Variants in ATG4B observed in about 807,000 individuals in gnomAD.
ATG4B encodes cysteine protease ATG4B.
In ATG4B, 29 loss-of-function variants were observed where a neutral mutation model predicts 56.6. The ratio of observed to expected loss-of-function variants is 0.51; its 90% CI spans 0.38 to 0.70. The LOEUF (loss-of-function observed/expected upper bound fraction) is 0.70, where lower values mean the gene tolerates loss of function less well. Ranked by LOEUF, ATG4B falls within the 30% of genes least tolerant of loss-of-function variation. The probability of loss-of-function intolerance (pLI) is 0.00; values close to 1 mark genes in which losing one functional copy is unlikely to be tolerated. For missense variants in ATG4B, 461 were observed against 515.5 expected, an observed-to-expected ratio of 0.89 and a Z score of 1.02; for synonymous variants, 224 against 206.1, an observed-to-expected ratio of 1.09 and a Z score of -0.74.
chr2:241,637,745 G>C (rs547076749), intron 1 of ATG4B, 21 bp downstream of exon 1: 4 of 1,571,358 alleles, frequency 2.5e-6, no homozygotes, highest in South Asian at 1.1e-5. Context: ...GCCGGGGGTC[G>C]GTCTTTCCGC....
intron 5 of ATG4B, 63 bp from the exon 6 acceptor site, chr2:241,655,208 G>T (rs1041896966): frequency 3.3e-5 from 51 of 1,525,060 alleles, no homozygotes; most frequent in Non-Finnish European, 3.1e-5. Context: ...CTGGCACCAC[G>T]TGCCACCAGA....
rs1042090703 is a variant in ATG4B, at chr2:241,672,542, C to T, written c.*278C>T. On this transcript the variant is annotated 3_prime_UTR_variant, in exon 13 of 13. Transcript: ENST00000404914. ...AGTGTTCTCTCGACACTGCCAGCCC[C>T]GTGTTAGCACCTGGGCCTCAGTCCC... is the stretch of plus-strand genomic sequence containing the variant. 4 of 472,696 alleles carry T rather than the reference C, an allele frequency of 8.5e-6. No individual in the cohort carries two copies. Among genetic ancestry groups the T allele is most frequent in the East Asian group, 3.7e-5 (1 of 27,028 alleles). The allele number at this position is 472,696 out of a possible 1,614,324, so 29.3% of individuals were successfully genotyped here. A position where few individuals can be genotyped will look rare whatever the true frequency, so the allele number is the denominator to read the frequency against.
rs746622594 is a variant in ATG4B, at chr2:241,666,874, C to T, written c.732+36C>T. Reference sequence around the variant, plus strand: ...CCGTGCGGCGCTTGCCCTGAGTCCCCGTCCCCTTCTCCCAGTTCTTAGTCA... The same window carrying T: ...CCGTGCGGCGCTTGCCCTGAGTCCCTGTCCCCTTCTCCCAGTTCTTAGTCA... On this transcript the variant is annotated intron_variant, in intron 8 of 12. Coordinates refer to ENST00000404914, the MANE Select transcript of ATG4B (RefSeq NM_013325.5). The T allele has an allele frequency of 4.6e-6, 7 of 1,530,360 alleles. No homozygotes were observed. The South Asian group carries it at 4.8e-5, about 10-fold the overall frequency. 94.8% of individuals were successfully genotyped at this position (1,530,360 alleles called of 1,614,324 possible).
At chr2:241,655,446 A>G in intron 6 of ATG4B, 103 bp downstream of exon 6, 1 of 1,165,858 alleles carries the variant, frequency 8.6e-7, no homozygotes, top group South Asian at 1.4e-5. Flanking sequence ...AGGGGTCTCT[A>G]ATTATTTACT....
In ATG4B at chr2:241,672,726, C is replaced by T. The variant is rs990693250; in HGVS notation, c.*462C>T. The T allele has an allele frequency of 5.3e-6, 1 of 188,648 alleles. No individual in the cohort carries two copies. The highest frequency in any genetic ancestry group is 1.1e-5 in the Non-Finnish European group (1 of 88,938). 11.7% of individuals were successfully genotyped at this position (188,648 alleles called of 1,614,324 possible). Reference sequence around the variant, plus strand: ...GAGCGGCAGCCACACTGCGGCCCCACGCCCAAGGACTGGGCTGCTCTCGAG... The same window carrying T: ...GAGCGGCAGCCACACTGCGGCCCCATGCCCAAGGACTGGGCTGCTCTCGAG... On this transcript the variant is annotated 3_prime_UTR_variant, in exon 13 of 13. Coordinates refer to ENST00000404914, the MANE Select transcript of ATG4B (RefSeq NM_013325.5).
chr2:241,660,300 G>A, intron 7 of ATG4B, among the ~76,000 whole-genome samples: 1 of 152,266 alleles, frequency 6.6e-6, no homozygotes, highest in Non-Finnish European at 1.5e-5. Context: ...CACCACACAG[G>A]TGTGTGCTGG....
chr2:241,657,661 G>A (rs1461875549), intron 6 of ATG4B, among the ~76,000 whole-genome samples: 1 of 152,086 alleles, frequency 6.6e-6, no homozygotes, highest in Non-Finnish European at 1.5e-5. Context: ...CTTTCAGTGG[G>A]CCCATTCAAA....
rs2068835733 is a variant in ATG4B, at chr2:241,668,084, G to A, written c.733-59G>A. The A allele has an allele frequency of 2.0e-6, 3 of 1,523,874 alleles. No homozygotes were observed. The highest frequency in any genetic ancestry group is 2.0e-5 in the Admixed American group (1 of 50,506). 94.4% of individuals were successfully genotyped at this position (1,523,874 alleles called of 1,614,324 possible). ...GGCCCTTGGGCCCCCTATGGCAGTG[G>A]GTGGGGGGACCGTCTGCTCCCACCT... On this transcript the variant is annotated intron_variant, in intron 8 of 12. Transcript: ENST00000404914. This position sits in a 1 kb window ranked among gnomAD's most constrained non-coding sequence, Gnocchi z 4.2.
At chr2:241,657,941 A>G (rs1559261747) in intron 6 of ATG4B, among the ~76,000 whole-genome samples, 1 of 150,862 alleles carries the variant, frequency 6.6e-6, no homozygotes, top group Non-Finnish European at 1.5e-5. Flanking sequence ...GGGCCTTTGC[A>G]TGTGTGGTGC....
rs756974716 is a variant in ATG4B at position 241,655,267 on chromosome 2, G to A, written c.386-4G>A. ...TGTTGCTAATGTGTATCTGTTCCCT[G>A]CAGCGCAAATGGGAGTTGGCGAAGG... On this transcript the variant is annotated splice_region_variant and splice_polypyrimidine_tract_variant and intron_variant, in intron 5 of 12. Coordinates refer to ENST00000404914, the MANE Select transcript of ATG4B (RefSeq NM_013325.5). 2.5e-6 allele frequency: 4 copies of A among 1,609,746 alleles called. No individual in the cohort carries two copies. The highest frequency in any genetic ancestry group is 3.4e-6 in the Non-Finnish European group (4 of 1,178,102).
At chr2:241,665,101 C>CAA (rs1305714086) in intron 7 of ATG4B, among the ~76,000 whole-genome samples, 6 of 152,212 alleles carry the variant, frequency 3.9e-5, no homozygotes. Context: ...GCCTGGGTGA[C>CAA]AGAGTGAGAC....
intron 1 of ATG4B, among the ~76,000 whole-genome samples, chr2:241,640,778 C>T (rs1203781183): frequency 3.9e-5 from 6 of 151,940 alleles, no homozygotes; most frequent in Non-Finnish European, 5.9e-5. Flanking sequence ...TGGTGTGGCT[C>T]AGGTGCAGCG....
chr2:241,642,033 T>C (rs1202866414), intron 1 of ATG4B, among the ~76,000 whole-genome samples: 1 of 149,468 alleles, frequency 6.7e-6, no homozygotes, highest in Non-Finnish European at 1.5e-5. Context: ...TGGTTGGTAA[T>C]AAAAAAAAAA....
rs149187746 is a variant in ATG4B at position 241,644,350 on chromosome 2, C to T, written c.10+6626C>T. On this transcript the variant is annotated intron_variant, in intron 1 of 12. Transcript: ENST00000404914. ...AGAGCCAGACCCTTGGGTGACAGAG[C>T]CAGAAGGAACGTTTGGGAATGGAAT... is the stretch of plus-strand genomic sequence containing the variant. 6.4e-3 allele frequency among the ~76,000 whole-genome samples: 979 copies of T among 152,060 alleles called. 10 individuals are homozygous for T. The highest frequency in any genetic ancestry group is 0.021 in the African/African-American group (855 of 41,456).
At chr2:241,642,327 TTCTC>T (rs1178403667) in intron 1 of ATG4B, among the ~76,000 whole-genome samples, 3 of 152,122 alleles carry the variant, frequency 2.0e-5, no homozygotes, top group African/African-American at 4.8e-5. Flanking sequence ...TGGAGTTCCT[TTCTC>T]TCTTTCTCTG....
At position 241,651,257 on chromosome 2, in the gene ATG4B, C is replaced by A; in HGVS notation, c.113-7C>A. On this transcript the variant is annotated splice_polypyrimidine_tract_variant and splice_region_variant and intron_variant, in intron 2 of 12. Transcript: ENST00000404914. The surrounding 1 kb of genome is among the most constrained non-coding windows in gnomAD (Gnocchi z 4.1). Reference sequence around the variant, plus strand: ...TGTGTGTTTTTTTTCTTTTAAACAACCTCTAGAAAAGGACGAGATCTTGTC... The same window carrying A: ...TGTGTGTTTTTTTTCTTTTAAACAAACTCTAGAAAAGGACGAGATCTTGTC... 1 of 1,593,204 alleles carries A rather than the reference C, an allele frequency of 6.3e-7. No individual in the cohort carries two copies. Among genetic ancestry groups the A allele is most frequent in the Non-Finnish European group, 8.5e-7 (1 of 1,169,706 alleles).
In ATG4B at chr2:241,651,676, G is replaced by A. The variant is rs557682480; in HGVS notation, c.184+341G>A. Among the ~76,000 whole-genome samples the A allele has an allele frequency of 7.7e-4, 117 of 152,348 alleles. No individual in the cohort carries two copies. Among genetic ancestry groups the A allele is most frequent in the African/African-American group, 2.7e-3 (113 of 41,580 alleles). Reference sequence around the variant, plus strand: ...CGGGCACGCAGCATGGCGCTTCAGGGATCTTCGTTTTCGTTTGCATGTTTG... The same window carrying A: ...CGGGCACGCAGCATGGCGCTTCAGGAATCTTCGTTTTCGTTTGCATGTTTG... On this transcript the variant is annotated intron_variant, in intron 3 of 12. Coordinates refer to ENST00000404914, the MANE Select transcript of ATG4B (RefSeq NM_013325.5). The surrounding 1 kb of genome is among the most constrained non-coding windows in gnomAD (Gnocchi z 4.1).
rs553671955 is a variant in ATG4B at position 241,645,607 on chromosome 2, T to C, written c.11-5403T>C. ...GTGAGGACACCAAGTCACAAGAAGG[T>C]CACTAGCCTGTAAGGTTGCGTGACT... On this transcript the variant is annotated intron_variant, in intron 1 of 12. Coordinates refer to ENST00000404914, the MANE Select transcript of ATG4B (RefSeq NM_013325.5). 5.9e-5 allele frequency among the ~76,000 whole-genome samples: 9 copies of C among 152,120 alleles called. No homozygotes were observed. The East Asian group carries it at 1.7e-3, about 30-fold the overall frequency.
At chr2:241,666,859 C>G (rs1207359871) in intron 8 of ATG4B, 21 bp downstream of exon 8, 1 of 1,542,926 alleles carries the variant, frequency 6.5e-7, no homozygotes, top group Non-Finnish European at 8.7e-7. Context: ...CCGTGCGGCG[C>G]TTGCCCTGAG....
Sources: gnomAD v4.1 joint callset for allele counts (sites outside exome capture counted in the v4.1 genomes callset) on GRCh38, gnomAD v4.1.1 for gene constraint, Gnocchi (gnomAD v3.1) non-coding constraint, MANE v1.5 for transcripts, NCBI Gene and HGNC (gene_info 2026-07-23, HGNC 2026-07-21) for gene names.